Variants in KCNJ13 observed in about 807,000 individuals in gnomAD.
The protein encoded by KCNJ13 is potassium inwardly rectifying channel subfamily J member 13.
Under a neutral mutation model 24.6 loss-of-function variants are expected in KCNJ13, and 9 were observed. The ratio of observed to expected loss-of-function variants is 0.37; its 90% CI spans 0.22 to 0.64. The LOEUF is 0.64. Ranked by LOEUF, KCNJ13 falls within the 30% of genes least tolerant of loss-of-function variation. The probability of loss-of-function intolerance (pLI) is 0.64; values close to 1 mark genes in which losing one functional copy is unlikely to be tolerated. For synonymous variants in KCNJ13, 148 were observed against 154.7 expected, an observed-to-expected ratio of 0.96 and a Z score of 0.32; for missense variants, 337 against 443.8, an observed-to-expected ratio of 0.76 and a Z score of 2.16.
intron 1 of KCNJ13, among the ~76,000 whole-genome samples, chr2:232,772,885 T>G (rs546889342): frequency 1.3e-5 from 2 of 152,316 alleles, no homozygotes; most frequent in South Asian, 4.1e-4. Flanking sequence ...CTCGGGACTT[T>G]GAGGCTTTGG....
chr2:232,774,926 T>G (rs941690990), intron 1 of KCNJ13, among the ~76,000 whole-genome samples: 1 of 152,252 alleles, frequency 6.6e-6, no homozygotes, highest in African/African-American at 2.4e-5. Context: ...GGACTGTTGT[T>G]ACTTCTTACC....
chr2:232,770,506 T>C (rs1267751654), intron 2 of KCNJ13, among the ~76,000 whole-genome samples: 1 of 152,232 alleles, frequency 6.6e-6, no homozygotes, highest in Non-Finnish European at 1.5e-5. Context: ...CAAATTCTTT[T>C]GTTAGGTAAA....
chr2:232,776,363 T>C, intron 1 of KCNJ13, 82 bp downstream of exon 1: 1 of 980,354 alleles, frequency 1.0e-6, no homozygotes, highest in Non-Finnish European at 1.6e-6. Context: ...GGAAGTAATC[T>C]AGCTCTGTTG....
At chr2:232,769,624 A>G (rs1574858691) in intron 2 of KCNJ13, among the ~76,000 whole-genome samples, 2 of 152,122 alleles carry the variant, frequency 1.3e-5, no homozygotes, top group East Asian at 3.9e-4. Context: ...CTATCAGGTA[A>G]TTTCAGTGCA....
chr2:232,766,949 T>G lies in KCNJ13; in HGVS notation c.*1242A>C, dbSNP rs1047245172. 2.0e-5 allele frequency: 3 copies of G among 152,332 alleles called. No homozygotes were observed. Among genetic ancestry groups the G allele is most frequent in the South Asian group, 4.1e-4 (2 of 4,824 alleles). 9.4% of individuals were successfully genotyped at this position (152,332 alleles called of 1,614,324 possible). A position where few individuals can be genotyped will look rare whatever the true frequency, so the allele number is the denominator to read the frequency against. ...CTGATAGGGTGACTTTTTTGGTTTT[T>G]GTTTTGTTTTAAGGACAGTTTCTCT... is the stretch of plus-strand genomic sequence containing the variant. On this transcript the variant is annotated 3_prime_UTR_variant, in exon 3 of 3. Coordinates refer to ENST00000233826, the MANE Select transcript of KCNJ13 (RefSeq NM_002242.4).
intron 1 of KCNJ13, among the ~76,000 whole-genome samples, chr2:232,775,361 G>T (rs527703652): frequency 6.6e-6 from 1 of 152,252 alleles, no homozygotes; most frequent in East Asian, 1.9e-4. Flanking sequence ...AGGGAATTAT[G>T]ATAATAAGAT....
chr2:232,776,269 T>G, intron 1 of KCNJ13, 176 bp downstream of exon 1: 1 of 495,442 alleles, frequency 2.0e-6, no homozygotes. Flanking sequence ...TGGCTGTTAT[T>G]GCATTTTTAA....
intron 1 of KCNJ13, among the ~76,000 whole-genome samples, chr2:232,773,487 A>T (rs1332656717): frequency 2.0e-5 from 3 of 152,038 alleles, no homozygotes. Context: ...TTTTTAATAC[A>T]GGAAGCGTTT....
Position 232,771,005 on chromosome 2 carries a change from T to C in KCNJ13, c.358A>G (p.Ile120Val), listed in dbSNP as rs946261593. The change falls in exon 2 of 3, where the codon ATT becomes GTT. Residue 120 changes from isoleucine to valine, a missense_variant. Physicochemically the swap from Ile to Val is conservative, Grantham distance 29. Around this residue, in one of 3 missense-constraint regions of KCNJ13, gnomAD observed 1 missense variants for 17.7 expected, o/e 0.06. Transcript: ENST00000233826. ...FSFSLETQLT[I>V]GYGTMFPSGD... ...CTGGGGAACATGGTACCATAACCAATTGTGAGTTGTGTCTCCAGGGAGAAG... is the reference window on the plus strand; with the variant it reads ...CTGGGGAACATGGTACCATAACCAACTGTGAGTTGTGTCTCCAGGGAGAAG... 6.2e-7 allele frequency: 1 copy of C among 1,613,890 alleles called. No homozygotes were observed. Among genetic ancestry groups the C allele is most frequent in the African/African-American group, 1.3e-5 (1 of 74,876 alleles).
At position 232,768,940 on chromosome 2, in the gene KCNJ13, T is replaced by C. The variant is rs1361638456; in HGVS notation, c.461-127A>G. On this transcript the variant is annotated intron_variant, in intron 2 of 2. Coordinates refer to ENST00000233826, the MANE Select transcript of KCNJ13 (RefSeq NM_002242.4). ...GCCATGCCTTTCAGTGAGTCAGGAA[T>C]TGAACTCATTGTTAATTTGGTCAGT... 11 of 748,260 alleles carry C rather than the reference T, an allele frequency of 1.5e-5. No homozygotes were observed. In the East Asian group the frequency reaches 3.0e-4, roughly 20 times the overall value. 46.4% of individuals were successfully genotyped at this position (748,260 alleles called of 1,614,324 possible). A position where few individuals can be genotyped will look rare whatever the true frequency, so the allele number is the denominator to read the frequency against.
intron 1 of KCNJ13, among the ~76,000 whole-genome samples, chr2:232,771,913 C>A (rs544370798): frequency 6.6e-6 from 1 of 152,152 alleles, no homozygotes; most frequent in African/African-American, 2.4e-5. Context: ...ACAAGGCTTA[C>A]ATTTGTGGTA....
chr2:232,769,161 C>T (rs571579122), intron 2 of KCNJ13, among the ~76,000 whole-genome samples: 4 of 152,142 alleles, frequency 2.6e-5, no homozygotes, highest in African/African-American at 9.7e-5. Context: ...TGCAACTTGG[C>T]TACAGCCAGA....
intron 2 of KCNJ13, among the ~76,000 whole-genome samples, chr2:232,770,562 C>G (rs1186014271): frequency 6.6e-6 from 1 of 151,292 alleles, no homozygotes; most frequent in African/African-American, 2.4e-5. Context: ...ATGTATTTGA[C>G]AAAATGATTA....
chr2:232,769,670 A>G (rs927111198), intron 2 of KCNJ13, among the ~76,000 whole-genome samples: 3 of 152,136 alleles, frequency 2.0e-5, no homozygotes, highest in Non-Finnish European at 4.4e-5. Flanking sequence ...CCTAAGCTAT[A>G]TATAAGAGTT....
intron 1 of KCNJ13, among the ~76,000 whole-genome samples, chr2:232,771,746 A>G (rs545099460): frequency 6.6e-6 from 1 of 152,310 alleles, no homozygotes; most frequent in South Asian, 2.1e-4. Context: ...GTGTATAAAG[A>G]CTAGCATTTC....
At chr2:232,774,826 A>G (rs1257963149) in intron 1 of KCNJ13, among the ~76,000 whole-genome samples, 2 of 152,192 alleles carry the variant, frequency 1.3e-5, no homozygotes, top group African/African-American at 4.8e-5. Context: ...TTTTCAACCT[A>G]TTTTATGAAA....
intron 1 of KCNJ13, among the ~76,000 whole-genome samples, chr2:232,773,900 T>C (rs904118654): frequency 6.9e-6 from 1 of 144,140 alleles, no homozygotes; most frequent in African/African-American, 2.6e-5. Context: ...AGTGAGACTT[T>C]GTCTCTATTT....
intron 1 of KCNJ13, among the ~76,000 whole-genome samples, chr2:232,775,568 G>A (rs534973790): frequency 6.6e-6 from 1 of 152,252 alleles, no homozygotes; most frequent in East Asian, 1.9e-4. Context: ...GGTTGGGAAG[G>A]TTTGCTTCTA....
chr2:232,768,512 A>C lies in KCNJ13; in HGVS notation c.762T>G (p.Ala254=). 4 of 1,614,166 alleles carry C rather than the reference A, an allele frequency of 2.5e-6. No individual in the cohort carries two copies. Among genetic ancestry groups the C allele is most frequent in the Non-Finnish European group, 3.4e-6 (4 of 1,179,984 alleles). ...AAGGATTTTCATGCTGGAGCAGAGT[A>C]GCCAGAGGACTTGATGGTGTAATGG... ...YHSITPSSPL[A]TLLQHENPSH... Residue 254 remains alanine (A), a synonymous_variant, in exon 3 of 3, where the codon GCT becomes GCG. Coordinates refer to ENST00000233826, the MANE Select transcript of KCNJ13 (RefSeq NM_002242.4).
Sources: allele counts gnomAD v4.1 joint callset (sites outside exome capture counted in the v4.1 genomes callset), GRCh38; gene constraint gnomAD v4.1.1; regional missense constraint gnomAD v4.1.1; transcripts MANE v1.5; gene names NCBI Gene and HGNC (gene_info 2026-07-23, HGNC 2026-07-21).